The following FBXL7 variants were observed in gnomAD, a reference collection of about 807,000 sequenced individuals.
The protein encoded by FBXL7 is F-box/LRR-repeat protein 7.
In FBXL7, 12 loss-of-function variants were observed where a neutral mutation model predicts 38.3. That is an observed-to-expected ratio of 0.31 (90% confidence interval 0.20 to 0.51). The LOEUF is 0.51. FBXL7 is among the 20% of genes least tolerant of loss of function. The pLI is 0.98. For missense variants in FBXL7, 567 were observed against 676.4 expected (o/e 0.84, Z 1.79); for synonymous variants, 297 against 300.9 (o/e 0.99, Z 0.13).
rs151218707 is a variant in FBXL7, at chr5:15,567,234, G to A, written c.38-48749G>A. The stretch of plus-strand genomic sequence containing the variant: ...TTTCCTGGCCCCTGTTTCCTGATGT[G>A]TAAGATGAAGGGAGTTATTTTAGTA... On this transcript the variant is annotated intron_variant, in intron 1 of 3. Transcript: ENST00000504595. 1.5e-3 allele frequency among the ~76,000 whole-genome samples: 227 copies of A among 152,188 alleles called. 1 individual carries two copies. Among genetic ancestry groups the A allele is most frequent in the African/African-American group, 5.2e-3 (216 of 41,540 alleles).
intron 2 of FBXL7, among the ~76,000 whole-genome samples, chr5:15,793,149 C>T (rs1319718700): frequency 6.6e-6 from 1 of 152,158 alleles, no homozygotes; most frequent in Non-Finnish European, 1.5e-5. Flanking sequence ...CATGTTGTAG[C>T]TGGAAGTCCT....
intron 2 of FBXL7, among the ~76,000 whole-genome samples, chr5:15,889,506 TG>T (rs1324768834): frequency 6.6e-6 from 1 of 152,194 alleles, no homozygotes; most frequent in African/African-American, 2.4e-5. Context: ...AGAAGCTACT[TG>T]TGACTAGAAT....
At chr5:15,729,658 T>C (rs2126661471) in intron 2 of FBXL7, among the ~76,000 whole-genome samples, 1 of 152,308 alleles carries the variant, frequency 6.6e-6, no homozygotes, top group Middle Eastern at 3.4e-3. Flanking sequence ...AGTGTTGTTA[T>C]ATATAGACAA....
chr5:15,508,994 C>T (rs956754864), intron 1 of FBXL7, among the ~76,000 whole-genome samples: 2 of 152,162 alleles, frequency 1.3e-5, no homozygotes, highest in African/African-American at 4.8e-5. Flanking sequence ...CCCTAAAACA[C>T]GTAGATCTAC....
intron 2 of FBXL7, among the ~76,000 whole-genome samples, chr5:15,875,397 A>G (rs1272391762): frequency 2.6e-5 from 4 of 152,248 alleles, no homozygotes; most frequent in Non-Finnish European, 5.9e-5. Flanking sequence ...GCCAAAATTG[A>G]CAAATAGGAT....
At chr5:15,843,382 A>G (rs1267136509) in intron 2 of FBXL7, among the ~76,000 whole-genome samples, 1 of 152,198 alleles carries the variant, frequency 6.6e-6, no homozygotes, top group African/African-American at 2.4e-5. Context: ...AAGCTTCACA[A>G]GGTCATAGAT....
At chr5:15,679,101 C>G (rs1742753875) in intron 2 of FBXL7, among the ~76,000 whole-genome samples, 1 of 152,220 alleles carries the variant, frequency 6.6e-6, no homozygotes, top group Non-Finnish European at 1.5e-5. Flanking sequence ...TTTTGATGAT[C>G]ACCTGAAATG....
Position 15,801,424 on chromosome 5 carries a change from T to TA in FBXL7, c.128-126459dup, listed in dbSNP as rs1250636116. Among the ~76,000 whole-genome samples the TA allele has an allele frequency of 5.9e-5, 9 of 152,216 alleles. No homozygotes were observed. In the South Asian group the frequency reaches 1.9e-3, roughly 32 times the overall value. On this transcript the variant is annotated intron_variant, in intron 2 of 3. Coordinates refer to ENST00000504595, the MANE Select transcript of FBXL7 (RefSeq NM_012304.5). ...AAAGCTAATTGTAAATGATGTGTAA[T>TA]AAAAAAAGTCATTGGGTCAAAAGTG...
intron 3 of FBXL7, among the ~76,000 whole-genome samples, chr5:15,932,636 G>T (rs1220083419): frequency 6.6e-6 from 1 of 152,070 alleles, no homozygotes; most frequent in African/African-American, 2.4e-5. Context: ...TCACCTCATG[G>T]ATACCCTAAC....
intron 2 of FBXL7, among the ~76,000 whole-genome samples, chr5:15,864,919 C>G (rs1302390892): frequency 6.6e-6 from 1 of 152,160 alleles, no homozygotes; most frequent in African/African-American, 2.4e-5. Flanking sequence ...TTGGCTGCTG[C>G]AGATAAAAAG....
At chr5:15,580,441 G>C (rs75103293) in intron 1 of FBXL7, among the ~76,000 whole-genome samples, 8,821 of 152,182 alleles carry the variant, frequency 0.058, 416 homozygotes, top group African/African-American at 0.12. Flanking sequence ...GCATGGCAAG[G>C]TCTAGGGGCC....
At chr5:15,615,045 C>T (rs890324021) in intron 1 of FBXL7, among the ~76,000 whole-genome samples, 5 of 152,250 alleles carry the variant, frequency 3.3e-5, no homozygotes, top group Non-Finnish European at 5.9e-5. Context: ...GGAGATGATG[C>T]GGACATGGAT....
At chr5:15,589,618 T>A (rs2126478568) in intron 1 of FBXL7, among the ~76,000 whole-genome samples, 1 of 152,346 alleles carries the variant, frequency 6.6e-6, no homozygotes, top group African/African-American at 2.4e-5. Flanking sequence ...TATTTGTGCA[T>A]AAAAAGTCTT....
intron 2 of FBXL7, among the ~76,000 whole-genome samples, chr5:15,870,181 C>T (rs560157506): frequency 1.3e-5 from 2 of 151,998 alleles, no homozygotes; most frequent in African/African-American, 4.8e-5. Flanking sequence ...ACCTACCAAC[C>T]TAAATGATCC....
At chr5:15,593,710 A>G (rs1425015274) in intron 1 of FBXL7, among the ~76,000 whole-genome samples, 1 of 152,172 alleles carries the variant, frequency 6.6e-6, no homozygotes, top group South Asian at 2.1e-4. Context: ...TAATTTGTGT[A>G]ACAAATATTT....
chr5:15,721,261 C>G (rs1449973476), intron 2 of FBXL7, among the ~76,000 whole-genome samples: 1 of 151,946 alleles, frequency 6.6e-6, no homozygotes, highest in African/African-American at 2.4e-5. Flanking sequence ...AGTGTAAAAC[C>G]TATGCTATCA....
At chr5:15,549,068 G>C (rs1737993829) in intron 1 of FBXL7, among the ~76,000 whole-genome samples, 1 of 152,154 alleles carries the variant, frequency 6.6e-6, no homozygotes, top group Non-Finnish European at 1.5e-5. Context: ...TCATCTTGTA[G>C]CCATGTTATT....
intron 2 of FBXL7, among the ~76,000 whole-genome samples, chr5:15,650,638 C>T (rs1202663131): frequency 1.3e-5 from 2 of 152,212 alleles, no homozygotes; most frequent in African/African-American, 4.8e-5. Context: ...TCCTCTTGAA[C>T]CCTGCCATGC....
At chr5:15,518,385 G>A (rs1737004298) in intron 1 of FBXL7, among the ~76,000 whole-genome samples, 1 of 152,116 alleles carries the variant, frequency 6.6e-6, no homozygotes, top group Non-Finnish European at 1.5e-5. Flanking sequence ...TTATTTCCTC[G>A]GTTTGTTTTG....
Sources: gnomAD v4.1 joint callset for allele counts (sites outside exome capture counted in the v4.1 genomes callset) on GRCh38, gnomAD v4.1.1 for gene constraint, MANE v1.5 for transcripts, NCBI Gene and HGNC (gene_info 2026-07-23, HGNC 2026-07-21) for gene names.